The following NEK1 variants were observed in gnomAD, a reference collection of about 807,000 sequenced individuals.
The protein encoded by NEK1 is NIMA related kinase 1.
Under a neutral mutation model 182.1 loss-of-function variants are expected in NEK1, and 137 were observed. That is an observed-to-expected ratio of 0.75 (90% CI 0.65 to 0.87). The LOEUF (loss-of-function observed/expected upper bound fraction) is 0.87. Among genes scored for constraint, NEK1 ranks in the 40% least tolerant of loss-of-function variants. NEK1 has a pLI of 0.00. For missense variants in NEK1, 1,391 were observed against 1,494.4 expected, an observed-to-expected ratio of 0.93 and a Z score of 1.14; for synonymous variants, 513 against 492.2, an observed-to-expected ratio of 1.04 and a Z score of -0.56.
intron 26 of NEK1, among the ~76,000 whole-genome samples, chr4:169,468,468 G>T (rs1745332105): frequency 6.6e-6 from 1 of 152,044 alleles, no homozygotes; most frequent in Non-Finnish European, 1.5e-5. Context: ...TTCATTGCAT[G>T]TAAATTTAAC....
intron 35 of NEK1, among the ~76,000 whole-genome samples, chr4:169,397,838 GGCAAACTA>G (rs1730980230): frequency 6.6e-6 from 1 of 152,180 alleles, no homozygotes; most frequent in African/African-American, 2.4e-5. Context: ...TAAGGGGCAA[GGCAAACTA>G]AAAGCTCTCC....
chr4:169,537,730 T>C (rs1004241233), intron 19 of NEK1, 79 bp downstream of exon 19: 29 of 1,058,340 alleles, frequency 2.7e-5, no homozygotes, highest in Non-Finnish European at 3.7e-5. Context: ...TCATTCTTTT[T>C]ACTTACACTT....
chr4:169,394,491 T>A lies in NEK1; in HGVS notation c.*19A>T, dbSNP rs372935588. 2.9e-6 allele frequency: 4 copies of A among 1,377,546 alleles called. No homozygotes were observed. The Middle Eastern group carries it at 5.4e-4, about 184-fold the overall frequency. 85.3% of individuals were successfully genotyped at this position (1,377,546 alleles called of 1,614,324 possible). On this transcript the variant is annotated 3_prime_UTR_variant, in exon 36 of 36. Transcript: ENST00000507142. ...TCAAATGCTTTCATATAGTTGAGGATTAAAAAACATTTTGAGGATTATTCA... is the reference window on the plus strand; with the variant it reads ...TCAAATGCTTTCATATAGTTGAGGAATAAAAAACATTTTGAGGATTATTCA...
At chr4:169,454,725 T>C (rs775331609) in intron 27 of NEK1, among the ~76,000 whole-genome samples, 9 of 152,210 alleles carry the variant, frequency 5.9e-5, no homozygotes, top group Non-Finnish European at 8.8e-5. Context: ...TTTTACACTG[T>C]TGGTGGGAGT....
intron 10 of NEK1, 133 bp downstream of exon 10, chr4:169,585,216 A>T: frequency 3.3e-6 from 2 of 605,124 alleles, no homozygotes; most frequent in Non-Finnish European, 5.8e-6. Flanking sequence ...TGGAAAGGAA[A>T]GTGACACTAA....
intron 27 of NEK1, among the ~76,000 whole-genome samples, chr4:169,448,831 G>A (rs1050828245): frequency 7.2e-5 from 11 of 152,226 alleles, no homozygotes; most frequent in Admixed American, 6.5e-5. Context: ...CCCACGGAGG[G>A]TGAGCCGAAG....
intron 18 of NEK1, 116 bp downstream of exon 18, chr4:169,555,604 A>C: frequency 7.0e-7 from 1 of 1,420,968 alleles, no homozygotes; most frequent in Non-Finnish European, 9.9e-7. Flanking sequence ...CCAAGAGGCA[A>C]AAAACATCAT....
chr4:169,443,484 G>C (rs774769254), intron 27 of NEK1, among the ~76,000 whole-genome samples: 10 of 148,452 alleles, frequency 6.7e-5, no homozygotes, highest in Non-Finnish European at 1.3e-4. Context: ...AGAAAATAAA[G>C]AAAAGGATAA....
intron 27 of NEK1, among the ~76,000 whole-genome samples, chr4:169,451,929 C>T (rs957492549): frequency 1.3e-5 from 2 of 151,996 alleles, no homozygotes; most frequent in African/African-American, 4.8e-5. Flanking sequence ...CAAATAGATG[C>T]CATAAAAAAT....
chr4:169,566,232 T>C (rs1239256339), intron 12 of NEK1, among the ~76,000 whole-genome samples: 1 of 152,240 alleles, frequency 6.6e-6, no homozygotes, highest in Non-Finnish European at 1.5e-5. Context: ...TACATATTCA[T>C]ATACTCTTGG....
At chr4:169,538,839 T>G (rs1392273700) in intron 18 of NEK1, among the ~76,000 whole-genome samples, 1 of 152,180 alleles carries the variant, frequency 6.6e-6, no homozygotes, top group Non-Finnish European at 1.5e-5. Context: ...AGTCTCCTAG[T>G]AAGATTTGAG....
Position 169,433,619 on chromosome 4 carries a change from T to C in NEK1, c.2811A>G (p.Thr937=), listed in dbSNP as rs1579574251. ...TGCATGGCAAGCTCTCATCTTTGTT[T>C]GTTCCACTTGGCTCTTGTAGAATTT... is the stretch of plus-strand genomic sequence containing the variant. The part of the protein sequence containing the change: ...ETEILQEPSG[T]NKDESLPCTI... The change falls in exon 29 of 36, where the codon ACA becomes ACG. Residue 937 remains threonine (T), a synonymous_variant. Coordinates refer to ENST00000507142, the MANE Select transcript of NEK1 (RefSeq NM_001199397.3). 1.2e-6 allele frequency: 2 copies of C among 1,613,510 alleles called. No individual in the cohort carries two copies. Among genetic ancestry groups the C allele is most frequent in the Non-Finnish European group, 1.7e-6 (2 of 1,179,592 alleles).
chr4:169,462,962 A>G (rs1341607106), intron 27 of NEK1, among the ~76,000 whole-genome samples: 2 of 152,044 alleles, frequency 1.3e-5, no homozygotes, highest in East Asian at 1.9e-4. Flanking sequence ...CATTTCTCCT[A>G]TATCTGTTTT....
At chr4:169,502,015 A>T (rs1752506546) in intron 23 of NEK1, among the ~76,000 whole-genome samples, 1 of 152,110 alleles carries the variant, frequency 6.6e-6, no homozygotes, top group Non-Finnish European at 1.5e-5. Flanking sequence ...AACACATGAA[A>T]AAAAGAGAAG....
chr4:169,477,526 A>C (rs1747190221), intron 24 of NEK1, 29 bp from the exon 25 acceptor site: 11 of 1,501,156 alleles, frequency 7.3e-6, no homozygotes, highest in Admixed American at 1.9e-5. Context: ...ACAGAGGAAG[A>C]GATAATTTTA....
At chr4:169,531,757 C>G (rs923483879) in intron 19 of NEK1, among the ~76,000 whole-genome samples, 1 of 151,934 alleles carries the variant, frequency 6.6e-6, no homozygotes, top group African/African-American at 2.4e-5. Context: ...GAGGGATATG[C>G]TAACTCAGAA....
intron 19 of NEK1, among the ~76,000 whole-genome samples, chr4:169,523,477 C>G (rs1176649692): frequency 4.6e-5 from 7 of 152,130 alleles, no homozygotes; most frequent in Non-Finnish European, 4.4e-5. Flanking sequence ...ATAATATACA[C>G]CAAGGAAGGT....
intron 27 of NEK1, among the ~76,000 whole-genome samples, chr4:169,443,105 C>T (rs572035103): frequency 1.1e-5 from 1 of 92,320 alleles, no homozygotes; most frequent in African/African-American, 4.4e-5. Flanking sequence ...CTATCTATCT[C>T]ATAATTTGAG....
intron 9 of NEK1, among the ~76,000 whole-genome samples, chr4:169,586,798 T>C (rs1767611825): frequency 6.6e-6 from 1 of 151,896 alleles, no homozygotes; most frequent in South Asian, 2.1e-4. Context: ...CCCCAAATAG[T>C]ATTAAGCAAT....
Sources: allele counts gnomAD v4.1 joint callset (sites outside exome capture counted in the v4.1 genomes callset), GRCh38; gene constraint gnomAD v4.1.1; transcripts MANE v1.5; gene names NCBI Gene and HGNC (gene_info 2026-07-23, HGNC 2026-07-21).